The following UIMC1 variants were observed in gnomAD, a reference collection of about 807,000 sequenced individuals.
UIMC1 encodes BRCA1-A complex subunit RAP80.
Under a neutral mutation model 84.9 loss-of-function variants are expected in UIMC1, and 42 were observed. The observed-to-expected ratio is 0.49, with a 90% CI of 0.39 to 0.64. The LOEUF is 0.64. Ranked by LOEUF, UIMC1 falls within the 30% of genes least tolerant of loss-of-function variation. The pLI is 0.00. For missense variants in UIMC1, 825 were observed against 847.6 expected (o/e 0.97, Z 0.33); for synonymous variants, 281 against 293.0 (o/e 0.96, Z 0.42).
At chr5:176,942,599 A>G (rs1467541339) in intron 10 of UIMC1, among the ~76,000 whole-genome samples, 2 of 151,788 alleles carry the variant, frequency 1.3e-5, no homozygotes, top group Admixed American at 1.3e-4. Flanking sequence ...TACAAAAATT[A>G]GCTGGGCATG....
intron 8 of UIMC1, among the ~76,000 whole-genome samples, chr5:176,952,768 G>A (rs1050105075): frequency 6.6e-6 from 1 of 152,098 alleles, no homozygotes; most frequent in Non-Finnish European, 1.5e-5. Context: ...CTGCACTCCA[G>A]CCTGAGTTAC....
intron 10 of UIMC1, among the ~76,000 whole-genome samples, chr5:176,920,816 T>C (rs1761613409): frequency 6.6e-6 from 1 of 152,216 alleles, no homozygotes; most frequent in African/African-American, 2.4e-5. Flanking sequence ...CTTTACCACG[T>C]TGAATGGAAG....
At chr5:176,937,002 A>G (rs1763788092) in intron 10 of UIMC1, among the ~76,000 whole-genome samples, 1 of 152,214 alleles carries the variant, frequency 6.6e-6, no homozygotes. Flanking sequence ...TTAATTGTAT[A>G]TTCTGCTCAC....
intron 2 of UIMC1, among the ~76,000 whole-genome samples, chr5:176,981,354 C>A (rs965143858): frequency 1.3e-5 from 2 of 151,980 alleles, no homozygotes; most frequent in Non-Finnish European, 2.9e-5. Flanking sequence ...CTGTGGTAAC[C>A]AGGATGGTCT....
intron 10 of UIMC1, among the ~76,000 whole-genome samples, chr5:176,915,793 C>CAA (rs58297107): frequency 1.9e-3 from 82 of 42,612 alleles, no homozygotes; most frequent in Admixed American, 2.7e-3. Flanking sequence ...GGTCACAAAG[C>CAA]AAAAAAAAAA....
chr5:176,959,670 C>A (rs1190005534), intron 6 of UIMC1, among the ~76,000 whole-genome samples: 4 of 147,744 alleles, frequency 2.7e-5, no homozygotes, highest in Non-Finnish European at 6.0e-5. Context: ...GAGCCGAGAT[C>A]CCGCCACTGC....
At position 176,955,914 on chromosome 5, in the gene UIMC1, T is replaced by C. The variant is rs1299369347; in HGVS notation, c.1339+45A>G. On this transcript the variant is annotated intron_variant, in intron 8 of 14. Transcript: ENST00000511320. The stretch of plus-strand genomic sequence containing the variant: ...AGGAAAATTAATAGGCATGAAAAGG[T>C]AAATAGGTATCAGAAATTCAGTAAA... 4 of 1,582,820 alleles carry C rather than the reference T, an allele frequency of 2.5e-6. No individual in the cohort carries two copies. The Admixed American group carries it at 6.8e-5, about 27-fold the overall frequency.
At chr5:176,978,137 C>T (rs559845985) in intron 2 of UIMC1, among the ~76,000 whole-genome samples, 3 of 151,850 alleles carry the variant, frequency 2.0e-5, no homozygotes, top group African/African-American at 7.3e-5. Flanking sequence ...TTTGGGAGGC[C>T]GAGGCGGACG....
chr5:176,930,150 T>A (rs1337800921), intron 10 of UIMC1, among the ~76,000 whole-genome samples: 2 of 152,194 alleles, frequency 1.3e-5, no homozygotes, highest in Non-Finnish European at 1.5e-5. Context: ...CAAAACTGAT[T>A]AGCCAACTAT....
intron 1 of UIMC1, among the ~76,000 whole-genome samples, chr5:177,004,814 T>A (rs1775032536): frequency 6.6e-6 from 1 of 152,214 alleles, no homozygotes; most frequent in Non-Finnish European, 1.5e-5. Flanking sequence ...GGTACCAAAC[T>A]TGTCAAAATT....
intron 10 of UIMC1, among the ~76,000 whole-genome samples, chr5:176,929,856 C>T (rs905649740): frequency 2.8e-4 from 43 of 152,052 alleles, no homozygotes; most frequent in Non-Finnish European, 6.0e-4. Flanking sequence ...TAGGAAAAAA[C>T]CACAAGAGCC....
intron 1 of UIMC1, among the ~76,000 whole-genome samples, chr5:176,988,467 G>T (rs115634601): frequency 6.6e-5 from 10 of 152,094 alleles, no homozygotes; most frequent in Admixed American, 5.2e-4. Flanking sequence ...ATCCAGAATA[G>T]GCAAATCCAT....
chr5:176,939,256 C>CAAAAAAAAAA (rs61615337), intron 10 of UIMC1, among the ~76,000 whole-genome samples: 1 of 71,854 alleles, frequency 1.4e-5, no homozygotes. Context: ...GATCCTGTCT[C>CAAAAAAAAAA]AAAAAAAAAA....
chr5:176,916,502 C>G (rs1423803637), intron 10 of UIMC1, among the ~76,000 whole-genome samples: 1 of 152,200 alleles, frequency 6.6e-6, no homozygotes, highest in Non-Finnish European at 1.5e-5. Flanking sequence ...GGTTGGGCCT[C>G]TACTAGCTGT....
chr5:176,964,489 G>GA (rs1485581578), intron 6 of UIMC1, among the ~76,000 whole-genome samples: 1 of 151,984 alleles, frequency 6.6e-6, no homozygotes, highest in African/African-American at 2.4e-5. Flanking sequence ...GAGGAATAAA[G>GA]AAAAGTTTCA....
intron 10 of UIMC1, among the ~76,000 whole-genome samples, chr5:176,939,366 T>A (rs548763695): frequency 6.6e-6 from 1 of 152,028 alleles, no homozygotes; most frequent in Admixed American, 6.5e-5. Context: ...TGGCTCTAGG[T>A]AGACACATTG....
chr5:176,939,659 TACTC>T (rs540484881), intron 10 of UIMC1, among the ~76,000 whole-genome samples: 53 of 152,320 alleles, frequency 3.5e-4, no homozygotes, highest in Non-Finnish European at 5.6e-4. Flanking sequence ...TGTGTAAGTA[TACTC>T]ACTCTATGAT....
At chr5:176,965,723 A>C (rs1326874107) in intron 6 of UIMC1, among the ~76,000 whole-genome samples, 2 of 152,226 alleles carry the variant, frequency 1.3e-5, no homozygotes, top group African/African-American at 4.8e-5. Flanking sequence ...CATGAAGTTA[A>C]GAGTCAAAGA....
At chr5:176,944,949 A>G (rs1003225065) in intron 9 of UIMC1, among the ~76,000 whole-genome samples, 2 of 152,220 alleles carry the variant, frequency 1.3e-5, no homozygotes, top group Non-Finnish European at 2.9e-5. Context: ...GGACAGAAGT[A>G]TCACTAGTTC....
Sources: allele counts gnomAD v4.1 joint callset (sites outside exome capture counted in the v4.1 genomes callset), GRCh38; gene constraint gnomAD v4.1.1; transcripts MANE v1.5; gene names NCBI Gene and HGNC (gene_info 2026-07-23, HGNC 2026-07-21).